The following CEP70 variants were observed in gnomAD, a reference collection of about 807,000 sequenced individuals.
CEP70 encodes centrosomal protein 70, also known as centrosomal protein of 70 kDa.
A neutral mutation model predicts 90.9 loss-of-function variants in CEP70; 70 were observed. The observed-to-expected ratio is 0.77, with a 90% confidence interval of 0.64 to 0.94. The LOEUF is 0.94. CEP70 is among the 40% of genes least tolerant of loss of function. The pLI is 0.00. For synonymous variants in CEP70, 220 were observed against 228.3 expected, an observed-to-expected ratio of 0.96 and a Z score of 0.33; for missense variants, 648 against 669.0, an observed-to-expected ratio of 0.97 and a Z score of 0.35.
At position 138,557,208 on chromosome 3, in the gene CEP70, C is replaced by T. The variant is rs1258186631; in HGVS notation, c.465+13110G>A. Among the ~76,000 whole-genome samples, 7 of 152,330 alleles carry T rather than the reference C, an allele frequency of 4.6e-5. No homozygotes were observed. In the East Asian group the frequency reaches 7.7e-4, roughly 17 times the overall value. ...TATGGCTCTGTTCCGCCCAGCTCAC[C>T]GGCGGTCAGAGTTTAAGGTTCTCTC... On this transcript the variant is annotated intron_variant, in intron 6 of 17. Coordinates refer to ENST00000264982, the MANE Select transcript of CEP70 (RefSeq NM_024491.4).
Position 138,500,476 on chromosome 3 carries a change from G to A in CEP70, c.1460C>T (p.Pro487Leu), listed in dbSNP as rs1191985499. ...CCTAGTATAAACTTCATTCATTCGG[G>A]GATAGACTCCATTTAAAGAAGGCAC... ...FDVPSLNGVY[P>L]RMNEVYTRLG... The change falls in exon 15 of 18, where the codon CCC (proline) becomes CTC (leucine). Residue 487 changes from proline to leucine, a missense_variant. Physicochemically the swap from Pro to Leu is moderately conservative, Grantham distance 98. Coordinates refer to ENST00000264982, the MANE Select transcript of CEP70 (RefSeq NM_024491.4). The A allele has an allele frequency of 6.2e-7, 1 of 1,611,580 alleles. No homozygotes were observed. Among genetic ancestry groups the A allele is most frequent in the Admixed American group, 1.7e-5 (1 of 59,538 alleles).
At chr3:138,572,199 C>T (rs1201525879) in intron 3 of CEP70, among the ~76,000 whole-genome samples, 2 of 152,192 alleles carry the variant, frequency 1.3e-5, no homozygotes, top group Non-Finnish European at 1.5e-5. Flanking sequence ...AAAAGGAGCC[C>T]GTCCATCTGG....
At chr3:138,521,067 C>T (rs1475701012) in intron 11 of CEP70, among the ~76,000 whole-genome samples, 1 of 152,202 alleles carries the variant, frequency 6.6e-6, no homozygotes, top group Non-Finnish European at 1.5e-5. Context: ...GCCTCGGCCT[C>T]CCGAGGTGCC....
At chr3:138,538,816 TA>T (rs977593766) in intron 6 of CEP70, among the ~76,000 whole-genome samples, 1 of 152,218 alleles carries the variant, frequency 6.6e-6, no homozygotes, top group Non-Finnish European at 1.5e-5. Context: ...ACACATCTAC[TA>T]AAGTTTTTTA....
At chr3:138,534,080 G>A (rs1028831563) in intron 7 of CEP70, among the ~76,000 whole-genome samples, 5 of 152,154 alleles carry the variant, frequency 3.3e-5, no homozygotes, top group East Asian at 3.8e-4. Context: ...CACTGCGCCC[G>A]GCCTGAATTT....
intron 2 of CEP70, among the ~76,000 whole-genome samples, chr3:138,578,609 T>C (rs905101205): frequency 6.6e-6 from 1 of 151,988 alleles, no homozygotes; most frequent in East Asian, 1.9e-4. Flanking sequence ...CACACCAAAA[T>C]AGGGAAGAAA....
chr3:138,532,728 A>C (rs1271885147), intron 7 of CEP70, among the ~76,000 whole-genome samples, 158 bp from the exon 8 acceptor site: 6 of 152,258 alleles, frequency 3.9e-5, no homozygotes, highest in African/African-American at 1.4e-4. Context: ...AGCAAATACT[A>C]TACTAAGTCA....
chr3:138,518,760 T>TAAAAAACTCTA (rs1216143512), intron 11 of CEP70, among the ~76,000 whole-genome samples: 5 of 152,036 alleles, frequency 3.3e-5, no homozygotes, highest in Non-Finnish European at 7.4e-5. Flanking sequence ...CTGGAAACTC[T>TAAAAAACTCTA]AAAAATCAGA....
At chr3:138,498,494 C>G (rs554062516) in intron 16 of CEP70, among the ~76,000 whole-genome samples, 1 of 151,700 alleles carries the variant, frequency 6.6e-6, no homozygotes, top group South Asian at 2.1e-4. Context: ...GCCACTACGC[C>G]CGACTAATTT....
chr3:138,543,636 C>A lies in CEP70; in HGVS notation c.466-6289G>T, dbSNP rs190039962. ...TAGCCCCTGACAGCTCCATGGAGCACGCAGCCCTGCCTGCACCTCCTCCAC... is the reference window on the plus strand; with the variant it reads ...TAGCCCCTGACAGCTCCATGGAGCAAGCAGCCCTGCCTGCACCTCCTCCAC... On this transcript the variant is annotated intron_variant, in intron 6 of 17. Coordinates refer to ENST00000264982, the MANE Select transcript of CEP70 (RefSeq NM_024491.4). Among the ~76,000 whole-genome samples, 72 of 152,296 alleles carry A rather than the reference C, an allele frequency of 4.7e-4. No homozygotes were observed. The East Asian group carries it at 0.014, about 29-fold the overall frequency.
At chr3:138,564,750 G>C (rs980404499) in intron 6 of CEP70, among the ~76,000 whole-genome samples, 2 of 152,074 alleles carry the variant, frequency 1.3e-5, no homozygotes, top group Non-Finnish European at 2.9e-5. Flanking sequence ...ATACTGAATG[G>C]GCAAAAACCA....
chr3:138,519,314 C>T lies in CEP70; in HGVS notation c.944+6176G>A, dbSNP rs571242221. Among the ~76,000 whole-genome samples, 721 of 152,200 alleles carry T rather than the reference C, an allele frequency of 4.7e-3. 4 individuals are homozygous for T. The highest frequency in any genetic ancestry group is 0.017 in the African/African-American group (692 of 41,514). On this transcript the variant is annotated intron_variant, in intron 11 of 17. Coordinates refer to ENST00000264982, the MANE Select transcript of CEP70 (RefSeq NM_024491.4). ...CTAGCAAGGCAGGCCAACATTCAAA[C>T]TCAGGAAATACAGAGAATGCCACAA... is the stretch of plus-strand genomic sequence containing the variant.
intron 11 of CEP70, among the ~76,000 whole-genome samples, chr3:138,517,713 T>C (rs180688430): frequency 2.6e-4 from 40 of 152,220 alleles, no homozygotes; most frequent in Admixed American, 2.2e-3. Context: ...GGAGCCAAGA[T>C]GGCCAAATAG....
At chr3:138,509,352 G>A (rs2035306472) in intron 11 of CEP70, among the ~76,000 whole-genome samples, 1 of 152,176 alleles carries the variant, frequency 6.6e-6, no homozygotes, top group South Asian at 2.1e-4. Flanking sequence ...CAGTGGCAAA[G>A]AACAGAAAAT....
chr3:138,586,511 T>A (rs773443), intron 2 of CEP70, among the ~76,000 whole-genome samples: 10,438 of 152,042 alleles, frequency 0.069, 397 homozygotes, highest in Middle Eastern at 0.12. Flanking sequence ...AAGAATGAGC[T>A]CCTGTCATTT....
chr3:138,574,367 A>G (rs1179223444), intron 2 of CEP70, among the ~76,000 whole-genome samples: 1 of 152,226 alleles, frequency 6.6e-6, no homozygotes, highest in African/African-American at 2.4e-5. Context: ...ATTGAACTGC[A>G]AGGTGGCAGC....
At chr3:138,502,129 C>T (rs2034568455) in intron 13 of CEP70, among the ~76,000 whole-genome samples, 1 of 152,140 alleles carries the variant, frequency 6.6e-6, no homozygotes, top group African/African-American at 2.4e-5. Flanking sequence ...GTGATATTAA[C>T]TGTACTAGTA....
intron 2 of CEP70, among the ~76,000 whole-genome samples, chr3:138,576,078 C>G (rs1364312022): frequency 1.3e-5 from 2 of 152,158 alleles, no homozygotes; most frequent in African/African-American, 4.8e-5. Context: ...ATCATAATGA[C>G]AGGATCAGAT....
At chr3:138,552,020 T>TA in intron 6 of CEP70, among the ~76,000 whole-genome samples, 1 of 152,306 alleles carries the variant, frequency 6.6e-6, no homozygotes, top group African/African-American at 2.4e-5. Context: ...TAGGAGTAGC[T>TA]ATTCTTATAC....
Sources: allele counts gnomAD v4.1 joint callset (sites outside exome capture counted in the v4.1 genomes callset), GRCh38; gene constraint gnomAD v4.1.1; transcripts MANE v1.5; gene names NCBI Gene and HGNC (gene_info 2026-07-23, HGNC 2026-07-21).